PRR14L: variants seen among roughly 807,000 people sequenced by gnomAD.
The protein encoded by PRR14L is protein PRR14L.
Under a neutral mutation model 155.0 loss-of-function variants are expected in PRR14L, and 80 were observed. That is an observed-to-expected ratio of 0.52 (90% CI 0.43 to 0.62). The LOEUF (loss-of-function observed/expected upper bound fraction) is 0.62. Among genes scored for constraint, PRR14L ranks in the 20% least tolerant of loss-of-function variants. The pLI, the probability that PRR14L is intolerant of heterozygous loss-of-function variation, is 0.00. For missense variants in PRR14L, 2,469 were observed against 2,548.0 expected (o/e 0.97, Z 0.67); for synonymous variants, 883 against 916.0 (o/e 0.96, Z 0.65).
At chr22:31,749,953 G>A (rs2074864270) in intron 1 of PRR14L, 40 bp downstream of exon 1, 1 of 152,710 alleles carries the variant, frequency 6.5e-6, no homozygotes, top group Non-Finnish European at 1.5e-5. Context: ...GAGTGGGGCG[G>A]GGCGGCTACG....
chr22:31,743,988 G>C (rs1278568666), intron 1 of PRR14L, among the ~76,000 whole-genome samples: 1 of 144,858 alleles, frequency 6.9e-6, no homozygotes, highest in Non-Finnish European at 1.5e-5. Context: ...GTATAAATAA[G>C]ACGCCCTCAG....
chr22:31,710,837 T>C (rs1028469944), intron 4 of PRR14L, among the ~76,000 whole-genome samples: 3 of 152,160 alleles, frequency 2.0e-5, no homozygotes, highest in African/African-American at 4.8e-5. Flanking sequence ...TACAATGATA[T>C]TGACGAAATT....
rs1156368179 is a variant in PRR14L, at chr22:31,713,516, G to T, written c.4323C>A (p.Ser1441=). The T allele has an allele frequency of 6.4e-7, 1 of 1,551,958 alleles. No homozygotes were observed. The highest frequency in any genetic ancestry group is 8.7e-7 in the Non-Finnish European group (1 of 1,147,094). The change falls in exon 4 of 9, where the codon TCC becomes TCA. Residue 1441 remains serine, a synonymous_variant. Transcript: ENST00000327423. The part of the protein sequence containing the change: ...QNQPKADKDE[S]TMINEITLAK... ...CTAGGGTGATTTCATTGATCATGGT[G>T]GACTCATCTTTGTCAGCCTTCGGTT...
intron 4 of PRR14L, among the ~76,000 whole-genome samples, chr22:31,709,533 G>GTTTT (rs35320368): frequency 4.5e-5 from 4 of 88,546 alleles, no homozygotes; most frequent in South Asian, 3.9e-4. Context: ...CGCCTGTGGG[G>GTTTT]TTTTTTTTTT....
intron 4 of PRR14L, among the ~76,000 whole-genome samples, chr22:31,710,186 C>T (rs978000419): frequency 6.6e-6 from 1 of 152,180 alleles, no homozygotes; most frequent in African/African-American, 2.4e-5. Flanking sequence ...AAGAGATCCA[C>T]CTGCCTTGGC....
chr22:31,718,860 G>C (rs1318366059), intron 3 of PRR14L, among the ~76,000 whole-genome samples: 5 of 142,150 alleles, frequency 3.5e-5, no homozygotes, highest in African/African-American at 1.4e-4. Flanking sequence ...GATCACACGA[G>C]GTCAGGAGTT....
Position 31,715,562 on chromosome 22 carries a change from G to T in PRR14L, c.2277C>A (p.Arg759=). Residue 759 remains arginine, a synonymous_variant, in exon 4 of 9, where the codon CGC becomes CGA. Transcript: ENST00000327423. ...SGTKALHSRL[R]SNKREAAGFP... is the part of the protein sequence containing the mutation. ...AGCCAGCTGCTTCTCTCTTATTTGAGCGCAGCCTGGAATGTAGAGCTTTTG... is the reference window on the plus strand; with the variant it reads ...AGCCAGCTGCTTCTCTCTTATTTGATCGCAGCCTGGAATGTAGAGCTTTTG... 6.4e-7 allele frequency: 1 copy of T among 1,552,040 alleles called. No homozygotes were observed. The highest frequency in any genetic ancestry group is 8.7e-7 in the Non-Finnish European group (1 of 1,147,062).
intron 4 of PRR14L, among the ~76,000 whole-genome samples, chr22:31,711,051 T>C (rs777599464): frequency 1.1e-4 from 16 of 152,248 alleles, no homozygotes; most frequent in Non-Finnish European, 1.9e-4. Context: ...GTTCTCTACA[T>C]ATCAGAGTTA....
At chr22:31,734,117 C>T (rs1011218285) in intron 2 of PRR14L, among the ~76,000 whole-genome samples, 1 of 152,170 alleles carries the variant, frequency 6.6e-6, no homozygotes, top group Non-Finnish European at 1.5e-5. Flanking sequence ...GGACTAAAGG[C>T]ATGCACCACC....
intron 7 of PRR14L, among the ~76,000 whole-genome samples, chr22:31,688,576 T>C (rs2074494474): frequency 6.6e-6 from 1 of 152,190 alleles, no homozygotes; most frequent in Non-Finnish European, 1.5e-5. Flanking sequence ...ATGTACTGGA[T>C]TTTCTTTTCC....
At position 31,681,926 on chromosome 22, in the gene PRR14L, C is replaced by T. The variant is rs989915151; in HGVS notation, c.*3601G>A. 1 of 152,076 alleles carries T rather than the reference C, an allele frequency of 6.6e-6. No homozygotes were observed. The highest frequency in any genetic ancestry group is 1.5e-5 in the Non-Finnish European group (1 of 68,018). The allele number at this position is 152,076 out of a possible 1,614,324, so 9.4% of individuals were successfully genotyped here. A position where few individuals can be genotyped will look rare whatever the true frequency, so the allele number is the denominator to read the frequency against. ...ATTTAAGAAGTCCTTTCCATGACAC[C>T]AGGGGAAAAGCTTACAGAAACAAAA... On this transcript the variant is annotated 3_prime_UTR_variant, in exon 9 of 9. Transcript: ENST00000327423.
chr22:31,728,663 T>C (rs372516189), intron 2 of PRR14L, among the ~76,000 whole-genome samples: 4 of 141,858 alleles, frequency 2.8e-5, no homozygotes, highest in East Asian at 4.1e-4. Context: ...TAAAAGACAA[T>C]TCAGATTGTG....
rs1352537248 is a variant in PRR14L, at chr22:31,681,953, A to G, written c.*3574T>C. The G allele has an allele frequency of 1.3e-5, 2 of 152,254 alleles. No homozygotes were observed. Among genetic ancestry groups the G allele is most frequent in the African/African-American group, 4.8e-5 (2 of 41,472 alleles). 9.4% of individuals were successfully genotyped at this position (152,254 alleles called of 1,614,324 possible). On this transcript the variant is annotated 3_prime_UTR_variant, in exon 9 of 9. Coordinates refer to ENST00000327423, the MANE Select transcript of PRR14L (RefSeq NM_173566.3). ...GGGGAAAAGCTTACAGAAACAAAAC[A>G]GAACAAGGGAATTACAGAAAGCACC...
At position 31,717,251 on chromosome 22, in the gene PRR14L, G is replaced by A. The variant is rs779140954; in HGVS notation, c.588C>T (p.Ser196=). 3.2e-6 allele frequency: 5 copies of A among 1,550,890 alleles called. No homozygotes were observed. Among genetic ancestry groups the A allele is most frequent in the South Asian group, 1.2e-5 (1 of 83,920 alleles). ...VQITAETLLK[S]AEVQGMKVNG... The stretch of plus-strand genomic sequence containing the variant: ...TGACCTTCATACCTTGTACTTCGGC[G>A]GATTTTAGCAGAGTTTCAGCTGTAA... Residue 196 remains serine, a synonymous_variant, in exon 4 of 9, where the codon TCC becomes TCT. Transcript: ENST00000327423.
chr22:31,730,524 G>C (rs1005739631), intron 2 of PRR14L, among the ~76,000 whole-genome samples: 1 of 152,176 alleles, frequency 6.6e-6, no homozygotes, highest in African/African-American at 2.4e-5. Context: ...GTCCTATCAG[G>C]AGGCACTGTC....
chr22:31,713,430 T>C lies in PRR14L; in HGVS notation c.4409A>G (p.Glu1470Gly). The C allele has an allele frequency of 6.4e-7, 1 of 1,551,848 alleles. No homozygotes were observed. Among genetic ancestry groups the C allele is most frequent in the African/African-American group, 1.4e-5 (1 of 73,124 alleles). The change falls in exon 4 of 9, where the codon GAA (glutamate) becomes GGA (glycine). Residue 1470 changes from glutamate to glycine, a missense_variant. This residue lies in a region of PRR14L where 2,363 missense variants were observed against 2,371.6 expected (regional missense o/e 1.00). Coordinates refer to ENST00000327423, the MANE Select transcript of PRR14L (RefSeq NM_173566.3). Reference sequence around the variant, plus strand: ...CTTCCTTAATGGATGATGTAACCTTTCCTCCTTCTGGTCTTCTAACTTCTG... The same window carrying C: ...CTTCCTTAATGGATGATGTAACCTTCCCTCCTTCTGGTCTTCTAACTTCTG... ...QTQKLEDQKE[E>G]RLHHPLRKDT... is the part of the protein sequence containing the mutation.
chr22:31,738,309 A>G (rs1391826803), intron 2 of PRR14L, 78 bp downstream of exon 2: 2 of 1,181,430 alleles, frequency 1.7e-6, no homozygotes, highest in Non-Finnish European at 2.4e-6. Flanking sequence ...TCATGAGCCA[A>G]CCGTCAGCAT....
Position 31,713,035 on chromosome 22 carries a change from T to C in PRR14L, c.4804A>G (p.Arg1602Gly). 6.4e-7 allele frequency: 1 copy of C among 1,552,344 alleles called. No homozygotes were observed. The highest frequency in any genetic ancestry group is 8.7e-7 in the Non-Finnish European group (1 of 1,147,124). The change falls in exon 4 of 9, where the codon AGG (arginine) becomes GGG (glycine). Residue 1602 changes from arginine (R) to glycine (G), a missense_variant. Transcript: ENST00000327423. Reference sequence around the variant, plus strand: ...GTAGTCTTCCTAAAATTCAGGCTCCTCAAGGGATGGCACGGTGTAGACATC... The same window carrying C: ...GTAGTCTTCCTAAAATTCAGGCTCCCCAAGGGATGGCACGGTGTAGACATC... ...KQMSTPCHPL[R>G]SLNFRKTTKE...
In PRR14L at chr22:31,684,175, C is replaced by G. The variant is rs1295399340; in HGVS notation, c.*1352G>C. 6.6e-6 allele frequency: 1 copy of G among 152,496 alleles called. No homozygotes were observed. The highest frequency in any genetic ancestry group is 6.5e-5 in the Admixed American group (1 of 15,278). The allele number at this position is 152,496 out of a possible 1,614,324, so 9.4% of individuals were successfully genotyped here. On this transcript the variant is annotated 3_prime_UTR_variant, in exon 9 of 9. Coordinates refer to ENST00000327423, the MANE Select transcript of PRR14L (RefSeq NM_173566.3). ...AGACCTCGAGGCTGCTGACCCACAG[C>G]ATCCCTCTGCCCACAGACTCCTGCA...
Sources: allele counts gnomAD v4.1 joint callset (sites outside exome capture counted in the v4.1 genomes callset), GRCh38; gene constraint gnomAD v4.1.1; regional missense constraint gnomAD v4.1.1; transcripts MANE v1.5; gene names NCBI Gene and HGNC (gene_info 2026-07-23, HGNC 2026-07-21).